The following PCYT1A variants were observed in gnomAD, a reference collection of about 807,000 sequenced individuals.
PCYT1A encodes the protein phosphate cytidylyltransferase 1A, choline.
Under a neutral mutation model 43.7 loss-of-function variants are expected in PCYT1A, and 25 were observed. The observed-to-expected ratio is 0.57, with a 90% CI of 0.42 to 0.80. PCYT1A has a LOEUF of 0.80. Among genes scored for constraint, PCYT1A ranks in the 30% least tolerant of loss-of-function variants. The probability of loss-of-function intolerance (pLI) is 0.00; values close to 1 mark genes in which losing one functional copy is unlikely to be tolerated. For missense variants in PCYT1A, 421 were observed against 474.2 expected, an observed-to-expected ratio of 0.89 and a Z score of 1.04; for synonymous variants, 172 against 170.7, an observed-to-expected ratio of 1.01 and a Z score of -0.06.
Position 196,257,821 on chromosome 3 carries a change from C to T in PCYT1A, c.184G>A (p.Val62Ile), listed in dbSNP as rs1724993122. The change falls in exon 3 of 9, where the codon GTA becomes ATA. Residue 62 changes from valine to isoleucine, a missense_variant. Coordinates refer to ENST00000431016, the MANE Select transcript of PCYT1A (RefSeq NM_001312673.2). The part of the protein sequence containing the change: ...EVDFSKPYVR[V>I]TMEEASRGTP... ...CCTCTGCTGGCTTCTTCCATAGTTACCCTGACATAGGGCTTACTAAAGTCA... is the reference window on the plus strand; with the variant it reads ...CCTCTGCTGGCTTCTTCCATAGTTATCCTGACATAGGGCTTACTAAAGTCA... 6.2e-7 allele frequency: 1 copy of T among 1,611,824 alleles called. No homozygotes were observed. The highest frequency in any genetic ancestry group is 8.5e-7 in the Non-Finnish European group (1 of 1,178,074).
rs551552679 is a variant in PCYT1A, at chr3:196,280,698, G to A, written c.-11+6917C>T. Among the ~76,000 whole-genome samples, 3 of 148,440 alleles carry A rather than the reference G, an allele frequency of 2.0e-5. No homozygotes were observed. In the East Asian group the frequency reaches 6.2e-4, roughly 31 times the overall value. On this transcript the variant is annotated intron_variant, in intron 1 of 8. Coordinates refer to ENST00000431016, the MANE Select transcript of PCYT1A (RefSeq NM_001312673.2). Reference sequence around the variant, plus strand: ...CCTATATACACAGAGCTATGATAAAGTTTTATTTATAAATTAAGCACAGTA... The same window carrying A: ...CCTATATACACAGAGCTATGATAAAATTTTATTTATAAATTAAGCACAGTA...
At chr3:196,266,607 T>G (rs567536886) in intron 2 of PCYT1A, among the ~76,000 whole-genome samples, 1 of 151,244 alleles carries the variant, frequency 6.6e-6, no homozygotes, top group East Asian at 2.0e-4. Flanking sequence ...AATGAAGTAC[T>G]GGCCGGACGT....
At position 196,273,115 on chromosome 3, in the gene PCYT1A, C is replaced by A. The variant is rs1056923575; in HGVS notation, c.-10-2574G>T. ...GAGGCGCCAGCTCCCTGAGAGGCTG[C>A]AGCTGAACCAGGCGTACTACAAGCA... On this transcript the variant is annotated intron_variant, in intron 1 of 8. Transcript: ENST00000431016. The surrounding 1 kb of genome is among the most constrained non-coding windows in gnomAD (Gnocchi z 4.1). 1.3e-5 allele frequency among the ~76,000 whole-genome samples: 2 copies of A among 152,220 alleles called. No individual in the cohort carries two copies. Among genetic ancestry groups the A allele is most frequent in the African/African-American group, 2.4e-5 (1 of 41,464 alleles).
chr3:196,244,128 C>G (rs1053074127), intron 5 of PCYT1A, among the ~76,000 whole-genome samples: 1 of 144,314 alleles, frequency 6.9e-6, no homozygotes, highest in African/African-American at 2.6e-5. Context: ...ATGTGAGGAG[C>G]GCCTCTGCCA....
Position 196,245,172 on chromosome 3 carries a change from C to T in PCYT1A, c.486+2195G>A, listed in dbSNP as rs539353413. Among the ~76,000 whole-genome samples the T allele has an allele frequency of 1.5e-4, 22 of 149,056 alleles. 1 individual carries two copies. The South Asian group carries it at 4.2e-3, about 29-fold the overall frequency. On this transcript the variant is annotated intron_variant, in intron 5 of 8. Transcript: ENST00000431016. ...TTTTTTTTTTTTTGAGACCGAGTCT[C>T]GCTCTGTCGCCCAGGCTGGAGTGTA... is the stretch of plus-strand genomic sequence containing the variant.
At position 196,282,291 on chromosome 3, in the gene PCYT1A, A is replaced by G. The variant is rs900473549; in HGVS notation, c.-11+5324T>C. ...GGAAAGAAAAAACCATGAGGGACAC[A>G]TGTAATAGTTCTTACAGTTGAACAA... On this transcript the variant is annotated intron_variant, in intron 1 of 8. Transcript: ENST00000431016. The surrounding 1 kb of genome is among the most constrained non-coding windows in gnomAD (Gnocchi z 4.3). 5.9e-5 allele frequency among the ~76,000 whole-genome samples: 9 copies of G among 152,228 alleles called. No homozygotes were observed. Among genetic ancestry groups the G allele is most frequent in the African/African-American group, 1.9e-4 (8 of 41,468 alleles).
In PCYT1A at chr3:196,248,090, T is replaced by G. The variant is rs1170866736; in HGVS notation, c.334+117A>C. On this transcript the variant is annotated intron_variant, in intron 4 of 8. Coordinates refer to ENST00000431016, the MANE Select transcript of PCYT1A (RefSeq NM_001312673.2). ...TATACTTCATGTGTGTTAGAGAGGC[T>G]GTACTACATCCTTCATTTAAAAATG... The G allele has an allele frequency of 1.0e-5, 7 of 701,876 alleles. No homozygotes were observed. The East Asian group carries it at 1.5e-4, about 15-fold the overall frequency. 43.5% of individuals were successfully genotyped at this position (701,876 alleles called of 1,614,324 possible).
intron 2 of PCYT1A, among the ~76,000 whole-genome samples, chr3:196,263,895 G>A (rs1395851905): frequency 6.6e-6 from 1 of 152,172 alleles, no homozygotes; most frequent in African/African-American, 2.4e-5. Context: ...GCCTCCCAAA[G>A]TGTTGGGATT....
chr3:196,243,714 T>C (rs1030011451), intron 5 of PCYT1A, among the ~76,000 whole-genome samples: 2 of 152,268 alleles, frequency 1.3e-5, no homozygotes, highest in Non-Finnish European at 2.9e-5. Context: ...TCGTATTTTT[T>C]TGGTGGAGAC....
Position 196,238,851 on chromosome 3 carries a change from A to G in PCYT1A, c.941T>C (p.Ile314Thr). ...KEGKGRMLQA[I>T]SPKQSPSSSP... is the part of the protein sequence containing the mutation. ...GCTGCTGGGGCTCTGCTTCGGGCTGATGGCCTGCAGCATCCGGCCCTTCCC... is the reference window on the plus strand; with the variant it reads ...GCTGCTGGGGCTCTGCTTCGGGCTGGTGGCCTGCAGCATCCGGCCCTTCCC... The change falls in exon 9 of 9, where the codon ATC becomes ACC. Residue 314 changes from isoleucine to threonine, a missense_variant. Around this residue, in one of 3 missense-constraint regions of PCYT1A, gnomAD observed 108 missense variants for 85.7 expected, o/e 1.26. Transcript: ENST00000431016. 1 of 1,531,938 alleles carries G rather than the reference A, an allele frequency of 6.5e-7. No homozygotes were observed. The highest frequency in any genetic ancestry group is 8.8e-7 in the Non-Finnish European group (1 of 1,139,602). 94.9% of individuals were successfully genotyped at this position (1,531,938 alleles called of 1,614,324 possible).
chr3:196,244,567 C>T (rs186755436), intron 5 of PCYT1A, among the ~76,000 whole-genome samples: 8,554 of 151,862 alleles, frequency 0.056, 271 homozygotes, highest in South Asian at 0.13. Flanking sequence ...CCCCTCTGCC[C>T]GGCCACCACC....
At chr3:196,258,797 G>C (rs1341130778) in intron 2 of PCYT1A, among the ~76,000 whole-genome samples, 1 of 151,830 alleles carries the variant, frequency 6.6e-6, no homozygotes, top group Non-Finnish European at 1.5e-5. Flanking sequence ...TACGTGCCTA[G>C]GCTGGTCTCA....
At chr3:196,249,188 C>T (rs1051980715) in intron 3 of PCYT1A, among the ~76,000 whole-genome samples, 5 of 151,906 alleles carry the variant, frequency 3.3e-5, no homozygotes, top group Non-Finnish European at 7.4e-5. Flanking sequence ...ACTCTGTCAT[C>T]CAGCCTGGAG....
chr3:196,248,827 G>A (rs1357522086), intron 3 of PCYT1A, among the ~76,000 whole-genome samples: 2 of 151,786 alleles, frequency 1.3e-5, no homozygotes, highest in Admixed American at 1.3e-4. Context: ...CACGATCTCG[G>A]CTCACTACAA....
At chr3:196,261,835 C>G (rs1725119759) in intron 2 of PCYT1A, among the ~76,000 whole-genome samples, 1 of 151,806 alleles carries the variant, frequency 6.6e-6, no homozygotes, top group Admixed American at 6.6e-5. Flanking sequence ...TCTTTCACAA[C>G]TGTTTCTTCA....
At chr3:196,249,980 C>T (rs1724697669) in intron 3 of PCYT1A, among the ~76,000 whole-genome samples, 1 of 148,304 alleles carries the variant, frequency 6.7e-6, no homozygotes, top group South Asian at 2.2e-4. Flanking sequence ...GTACCACATA[C>T]ACTATGCTGA....
chr3:196,255,693 A>AAAAAC (rs542925303), intron 3 of PCYT1A, among the ~76,000 whole-genome samples: 3 of 152,334 alleles, frequency 2.0e-5, no homozygotes, highest in South Asian at 2.1e-4. Flanking sequence ...ACTCTGTCTC[A>AAAAAC]AAAACAAAAC....
intron 3 of PCYT1A, among the ~76,000 whole-genome samples, chr3:196,254,685 T>A (rs1211498086): frequency 6.6e-6 from 1 of 152,206 alleles, no homozygotes; most frequent in Non-Finnish European, 1.5e-5. Flanking sequence ...CCTTTCATGC[T>A]CAAAACCGTC....
chr3:196,246,560 G>A (rs1465959896), intron 5 of PCYT1A, among the ~76,000 whole-genome samples: 1 of 152,164 alleles, frequency 6.6e-6, no homozygotes, highest in Non-Finnish European at 1.5e-5. Flanking sequence ...TAATGTGGGA[G>A]AATTAAAAGG....
Sources: gnomAD v4.1 joint callset for allele counts (sites outside exome capture counted in the v4.1 genomes callset) on GRCh38, gnomAD v4.1.1 for gene constraint, gnomAD v4.1.1 regional missense constraint, Gnocchi (gnomAD v3.1) non-coding constraint, MANE v1.5 for transcripts, NCBI Gene and HGNC (gene_info 2026-07-23, HGNC 2026-07-21) for gene names.